NCOA1: variants seen among roughly 807,000 people sequenced by gnomAD.
The protein encoded by NCOA1 is nuclear receptor coactivator 1.
In NCOA1, 35 loss-of-function variants were observed where a neutral mutation model predicts 150.9. The ratio of observed to expected loss-of-function variants is 0.23; its 90% CI spans 0.18 to 0.31. The LOEUF (loss-of-function observed/expected upper bound fraction) is 0.31, where lower values mean the gene tolerates loss of function less well. NCOA1 is among the 10% of genes least tolerant of loss of function. NCOA1 has a pLI of 1.00. For missense variants in NCOA1, 1,491 were observed against 1,749.3 expected, an observed-to-expected ratio of 0.85 and a Z score of 2.63; for synonymous variants, 590 against 630.0, an observed-to-expected ratio of 0.94 and a Z score of 0.95.
At chr2:24,716,162 A>G (rs1674029831) in intron 14 of NCOA1, among the ~76,000 whole-genome samples, 1 of 151,754 alleles carries the variant, frequency 6.6e-6, no homozygotes. Context: ...AAAAAAAAAA[A>G]AATCTGAGCA....
intron 14 of NCOA1, among the ~76,000 whole-genome samples, chr2:24,719,367 C>T (rs1043959631): frequency 6.6e-6 from 1 of 151,994 alleles, no homozygotes; most frequent in African/African-American, 2.4e-5. Context: ...AGTGGAAAGT[C>T]CTGGGTTTAT....
chr2:24,746,081 C>G (rs1181436684), intron 19 of NCOA1, among the ~76,000 whole-genome samples: 1 of 152,188 alleles, frequency 6.6e-6, no homozygotes, highest in Non-Finnish European at 1.5e-5. Context: ...CAGAGTGTGA[C>G]CTTTTTAACC....
intron 1 of NCOA1, among the ~76,000 whole-genome samples, chr2:24,547,929 C>T (rs925056007): frequency 1.5e-5 from 2 of 133,038 alleles, no homozygotes; most frequent in South Asian, 4.6e-4. Context: ...ACGGAGCTTG[C>T]AGTGAGCCGA....
intron 5 of NCOA1, among the ~76,000 whole-genome samples, chr2:24,664,370 C>T (rs1671317318): frequency 6.6e-6 from 1 of 152,100 alleles, no homozygotes; most frequent in Admixed American, 6.5e-5. Context: ...TTTCAACTTA[C>T]TATATTGTTT....
chr2:24,545,609 A>G (rs905948893), intron 1 of NCOA1, among the ~76,000 whole-genome samples: 7 of 152,124 alleles, frequency 4.6e-5, no homozygotes, highest in African/African-American at 1.4e-4. Context: ...GGTTATTTGT[A>G]TAGATTCTGT....
intron 19 of NCOA1, 68 bp from the exon 20 acceptor site, chr2:24,751,914 G>A (rs1664262098): frequency 1.4e-6 from 2 of 1,413,142 alleles, no homozygotes; most frequent in East Asian, 2.3e-5. Flanking sequence ...ATCCTTTTGG[G>A]TTTTTTCATT....
intron 1 of NCOA1, among the ~76,000 whole-genome samples, chr2:24,500,660 G>C (rs777653478): frequency 2.8e-4 from 42 of 152,206 alleles, no homozygotes; most frequent in Non-Finnish European, 5.3e-4. Flanking sequence ...AGTTAAGAAT[G>C]ATCTAACTTA....
chr2:24,761,887 G>C (rs1664810106), intron 21 of NCOA1, among the ~76,000 whole-genome samples: 1 of 152,214 alleles, frequency 6.6e-6, no homozygotes, highest in South Asian at 2.1e-4. Flanking sequence ...TCCACTCTGG[G>C]GGGTGAAATC....
At chr2:24,723,577 A>G (rs776816250) in intron 14 of NCOA1, among the ~76,000 whole-genome samples, 1 of 152,204 alleles carries the variant, frequency 6.6e-6, no homozygotes, top group Non-Finnish European at 1.5e-5. Context: ...TGAATTATGT[A>G]CTTTCTCATT....
intron 14 of NCOA1, among the ~76,000 whole-genome samples, chr2:24,722,989 CAA>C (rs5829932): frequency 2.6e-4 from 23 of 90,004 alleles, no homozygotes; most frequent in African/African-American, 5.8e-4. Context: ...ACCCTGTCTC[CAA>C]AAAAAAAAAA....
intron 2 of NCOA1, among the ~76,000 whole-genome samples, chr2:24,579,288 C>T (rs1250785199): frequency 1.3e-5 from 2 of 152,054 alleles, no homozygotes; most frequent in East Asian, 3.8e-4. Context: ...GAGGAAAGAC[C>T]TGACAGTAGG....
chr2:24,692,992 C>G (rs1293653378), intron 9 of NCOA1, among the ~76,000 whole-genome samples: 1 of 152,140 alleles, frequency 6.6e-6, no homozygotes, highest in Admixed American at 6.5e-5. Context: ...TCCCGAGTAG[C>G]GGGGACTGCA....
chr2:24,491,378 T>C lies in NCOA1; in HGVS notation c.-620T>C, dbSNP rs1662945134. ...TGAGCTCTGTCCTCCGACGGCTGCCTCGCGGCCTTGAGGGCCTCCGCCGCC... is the reference window on the plus strand; with the variant it reads ...TGAGCTCTGTCCTCCGACGGCTGCCCCGCGGCCTTGAGGGCCTCCGCCGCC... On this transcript the variant is annotated 5_prime_UTR_variant, in exon 1 of 23. Transcript: ENST00000348332. 1.4e-5 allele frequency among the ~76,000 whole-genome samples: 2 copies of C among 148,098 alleles called. 1 individual carries two copies. The highest frequency in any genetic ancestry group is 4.1e-4 in the South Asian group (2 of 4,828).
chr2:24,739,392 G>C, intron 17 of NCOA1, 40 bp from the exon 18 acceptor site: 1 of 1,400,558 alleles, frequency 7.1e-7, no homozygotes, highest in Non-Finnish European at 1.0e-6. Flanking sequence ...TGTTATGCTT[G>C]TGTGTAGAAA....
chr2:24,644,016 A>G lies in NCOA1; in HGVS notation c.-124A>G, dbSNP rs1670351411. The G allele has an allele frequency of 6.6e-6, 1 of 152,208 alleles. No homozygotes were observed. Among genetic ancestry groups the G allele is most frequent in the Admixed American group, 6.5e-5 (1 of 15,280 alleles). 9.4% of individuals were successfully genotyped at this position (152,208 alleles called of 1,614,324 possible). ...AGGTGAGAGTGAAGAGACTAGAGCC[A>G]TCTCTGGAAAACATCATTATCCCAT... is the stretch of plus-strand genomic sequence containing the variant. On this transcript the variant is annotated 5_prime_UTR_variant, in exon 4 of 23. Coordinates refer to ENST00000348332, the MANE Select transcript of NCOA1 (RefSeq NM_003743.5).
At chr2:24,522,146 A>G (rs1664442999) in intron 1 of NCOA1, among the ~76,000 whole-genome samples, 1 of 152,156 alleles carries the variant, frequency 6.6e-6, no homozygotes, top group South Asian at 2.1e-4. Context: ...GAATGGATGA[A>G]CTCACAGCTT....
chr2:24,697,591 AG>A, intron 10 of NCOA1, 66 bp from the exon 11 acceptor site: 2 of 1,361,494 alleles, frequency 1.5e-6, no homozygotes, highest in South Asian at 1.3e-5. Flanking sequence ...TGCAGTTGTT[AG>A]TTTTGAAATA....
intron 19 of NCOA1, among the ~76,000 whole-genome samples, chr2:24,745,031 A>G (rs989455492): frequency 6.6e-6 from 1 of 152,228 alleles, no homozygotes; most frequent in African/African-American, 2.4e-5. Flanking sequence ...AAGGAACATG[A>G]AAGTCATAGT....
intron 5 of NCOA1, among the ~76,000 whole-genome samples, chr2:24,661,165 C>T (rs1671168982): frequency 6.6e-6 from 1 of 152,144 alleles, no homozygotes. Context: ...TCCTCTTTTC[C>T]CACATTCTTA....
Sources: gnomAD v4.1 joint callset for allele counts (sites outside exome capture counted in the v4.1 genomes callset) on GRCh38, gnomAD v4.1.1 for gene constraint, MANE v1.5 for transcripts, NCBI Gene and HGNC (gene_info 2026-07-23, HGNC 2026-07-21) for gene names.